The following TASP1 variants were observed in gnomAD, a reference collection of about 807,000 sequenced individuals.
TASP1 encodes the protein taspase 1.
A neutral mutation model predicts 56.6 loss-of-function variants in TASP1; 16 were observed. The ratio of observed to expected loss-of-function variants is 0.28; its 90% CI spans 0.19 to 0.43. TASP1 has a LOEUF of 0.43. Ranked by LOEUF, TASP1 falls within the 20% of genes least tolerant of loss-of-function variation. TASP1 has a pLI of 1.00. For missense variants in TASP1, 393 were observed against 511.6 expected, an observed-to-expected ratio of 0.77 and a Z score of 2.24; for synonymous variants, 179 against 184.2, an observed-to-expected ratio of 0.97 and a Z score of 0.23.
rs73268940 is a variant in TASP1 at position 13,548,021 on chromosome 20, C to T, written c.675+10987G>A. 3.5e-3 allele frequency among the ~76,000 whole-genome samples: 531 copies of T among 152,182 alleles called. 4 individuals carry two copies. Among genetic ancestry groups the T allele is most frequent in the African/African-American group, 0.012 (496 of 41,520 alleles). ...AAGAAGGAAGGAGACAGGCAACATT[C>T]CCTGGATCTGGAATCACAGGTGTGA... On this transcript the variant is annotated intron_variant, in intron 8 of 13. Coordinates refer to ENST00000337743, the MANE Select transcript of TASP1 (RefSeq NM_017714.3).
At chr20:13,353,822 T>C in the TASP1 span, among the ~76,000 whole-genome samples, 4 of 152,164 alleles carry the variant, frequency 2.6e-5, no homozygotes, top group African/African-American at 7.2e-5. Flanking sequence ...AGTACTTTAT[T>C]ATAAATAGTA....
chr20:13,587,770 C>A (rs1336822252), intron 4 of TASP1, among the ~76,000 whole-genome samples: 2 of 151,442 alleles, frequency 1.3e-5, no homozygotes, highest in Non-Finnish European at 2.9e-5. Context: ...AAATCCAACA[C>A]CCTTTCATGA....
At chr20:13,188,129 CTAAGAT>C in the TASP1 span, among the ~76,000 whole-genome samples, 2 of 152,216 alleles carry the variant, frequency 1.3e-5, no homozygotes, top group East Asian at 3.9e-4. Context: ...AGCCTTTCCT[CTAAGAT>C]TAAGAAGAAG....
At chr20:13,431,241 A>G (rs934166150) in intron 12 of TASP1, among the ~76,000 whole-genome samples, 1 of 152,140 alleles carries the variant, frequency 6.6e-6, no homozygotes, top group African/African-American at 2.4e-5. Flanking sequence ...TTATAGTTAT[A>G]CTCTTATGAC....
At chr20:13,225,869 T>C in the TASP1 span, among the ~76,000 whole-genome samples, 2 of 152,148 alleles carry the variant, frequency 1.3e-5, no homozygotes, top group Non-Finnish European at 2.9e-5. Flanking sequence ...TGATAAAACA[T>C]ACATAGATAT....
chr20:13,443,075 G>A (rs963073360), intron 11 of TASP1, among the ~76,000 whole-genome samples: 1 of 152,076 alleles, frequency 6.6e-6, no homozygotes, highest in Non-Finnish European at 1.5e-5. Context: ...TTAAACATTT[G>A]GTGGCAGTAA....
the TASP1 span, among the ~76,000 whole-genome samples, chr20:13,315,351 A>T: frequency 7.8e-3 from 1,180 of 152,150 alleles, 18 homozygotes; most frequent in African/African-American, 0.027. Context: ...TTGCAGAAAC[A>T]TGTTATGCTT....
At chr20:13,591,877 T>C (rs1481151298) in intron 4 of TASP1, among the ~76,000 whole-genome samples, 1 of 152,128 alleles carries the variant, frequency 6.6e-6, no homozygotes, top group Non-Finnish European at 1.5e-5. Flanking sequence ...AATATTAATA[T>C]AATTTGAAAG....
chr20:13,111,507 G>A, the TASP1 span, among the ~76,000 whole-genome samples: 4,806 of 152,302 alleles, frequency 0.032, 118 homozygotes, highest in South Asian at 0.078. Context: ...TCAAAATGTC[G>A]ATAGTGCTAA....
the TASP1 span, chr20:13,299,072 C>T: frequency 4.3e-6 from 7 of 1,613,730 alleles, no homozygotes; most frequent in East Asian, 1.6e-4. The surrounding 1 kb of genome is among the most constrained non-coding windows in gnomAD (Gnocchi z 5.8). Context: ...GCACGGCCGA[C>T]ATCTTCGACC....
chr20:13,554,666 AT>A lies in TASP1; in HGVS notation c.675+4341del, dbSNP rs1416193427. Among the ~76,000 whole-genome samples, 3 of 151,986 alleles carry A rather than the reference AT, an allele frequency of 2.0e-5. No homozygotes were observed. In the East Asian group the frequency reaches 5.8e-4, roughly 29 times the overall value. ...TTACAATAAAGTGAGTCAAATAAAT[AT>A]TTTGGTTTCCGAGTGCACATAAAAG... On this transcript the variant is annotated intron_variant, in intron 8 of 13. Transcript: ENST00000337743.
chr20:13,627,876 T>G (rs1490538226), intron 2 of TASP1, among the ~76,000 whole-genome samples: 1 of 152,068 alleles, frequency 6.6e-6, no homozygotes, highest in African/African-American at 2.4e-5. Context: ...ACACCAGAGA[T>G]AAGACCCTCT....
intron 8 of TASP1, among the ~76,000 whole-genome samples, chr20:13,537,914 T>C (rs998089849): frequency 3.9e-5 from 6 of 152,062 alleles, no homozygotes; most frequent in African/African-American, 1.4e-4. Context: ...AATAAATCCC[T>C]TCATACAAAG....
At chr20:13,292,363 T>A in the TASP1 span, 1 of 1,567,740 alleles carries the variant, frequency 6.4e-7, no homozygotes, top group Non-Finnish European at 8.7e-7. Flanking sequence ...TGAGCTCTTG[T>A]CTGTGTTTAG....
At chr20:13,151,763 A>G in the TASP1 span, among the ~76,000 whole-genome samples, 1 of 152,230 alleles carries the variant, frequency 6.6e-6, no homozygotes. Context: ...AGCCTAGTGA[A>G]AAAATGTTAG....
chr20:13,201,782 C>T, the TASP1 span, among the ~76,000 whole-genome samples: 1 of 145,368 alleles, frequency 6.9e-6, no homozygotes, highest in Non-Finnish European at 1.5e-5. Flanking sequence ...GAGATGGAGT[C>T]TCGCTCTGTT....
At chr20:13,394,568 C>G (rs2123597388) in intron 13 of TASP1, among the ~76,000 whole-genome samples, 1 of 151,556 alleles carries the variant, frequency 6.6e-6, no homozygotes, top group East Asian at 1.9e-4. Flanking sequence ...GCCAAGATCG[C>G]GCCACTGCAT....
chr20:13,361,405 T>A, the TASP1 span, among the ~76,000 whole-genome samples: 43,440 of 151,782 alleles, frequency 0.29, 7,344 homozygotes, highest in African/African-American at 0.46. Context: ...GGCTCTTAGT[T>A]TTCAGTGAAA....
rs2044014187 is a variant in TASP1, at chr20:13,460,426, GATCTCAT to G, written c.985+22794_985+22800del. 2.6e-5 allele frequency among the ~76,000 whole-genome samples: 4 copies of G among 152,006 alleles called. No homozygotes were observed. The South Asian group carries it at 8.3e-4, about 32-fold the overall frequency. On this transcript the variant is annotated intron_variant, in intron 11 of 13. Transcript: ENST00000337743. The stretch of plus-strand genomic sequence containing the variant: ...TTCTTTTATCTGCATCGATTTTCCT[GATCTCAT>G]ATCATGTATCACTTTAAAATATCAT...
Sources: allele counts gnomAD v4.1 joint callset (sites outside exome capture counted in the v4.1 genomes callset), GRCh38; gene constraint gnomAD v4.1.1; non-coding constraint Gnocchi (gnomAD v3.1); transcripts MANE v1.5; gene names NCBI Gene and HGNC (gene_info 2026-07-23, HGNC 2026-07-21).